KPNA4: variants seen among roughly 807,000 people sequenced by gnomAD.
KPNA4 encodes importin subunit alpha-3.
In KPNA4, 13 loss-of-function variants were observed where a neutral mutation model predicts 71.3. The observed-to-expected ratio is 0.18, with a 90% CI of 0.12 to 0.29. KPNA4 has a LOEUF of 0.29. Ranked by LOEUF, KPNA4 falls within the 10% of genes least tolerant of loss-of-function variation. The pLI, the probability that KPNA4 is intolerant of heterozygous loss-of-function variation, is 1.00. For synonymous variants in KPNA4, 189 were observed against 195.2 expected (o/e 0.97, Z 0.26); for missense variants, 334 against 603.2 (o/e 0.55, Z 4.67).
At chr3:160,559,153 T>C (rs899579052) in intron 1 of KPNA4, among the ~76,000 whole-genome samples, 2 of 152,174 alleles carry the variant, frequency 1.3e-5, no homozygotes, top group Non-Finnish European at 2.9e-5. Context: ...TCAGACTTAA[T>C]GGTTGGAAGA....
intron 1 of KPNA4, among the ~76,000 whole-genome samples, chr3:160,560,954 C>G (rs1235926161): frequency 6.6e-6 from 1 of 151,956 alleles, no homozygotes; most frequent in African/African-American, 2.4e-5. Context: ...AGACTTAATA[C>G]CTTAACAATG....
At chr3:160,533,066 C>T (rs533649764) in intron 5 of KPNA4, among the ~76,000 whole-genome samples, 74 of 152,318 alleles carry the variant, frequency 4.9e-4, no homozygotes, top group African/African-American at 1.7e-3. Flanking sequence ...GTCTGTCACT[C>T]AGGCTGGAGT....
At chr3:160,506,178 A>T (rs28718566) in intron 15 of KPNA4, among the ~76,000 whole-genome samples, 76,776 of 149,986 alleles carry the variant, frequency 0.51, 20,330 homozygotes, top group African/African-American at 0.62. Flanking sequence ...ATTTTATTTT[A>T]TTTTTTTTGA....
At chr3:160,533,319 C>A (rs1420121280) in intron 5 of KPNA4, among the ~76,000 whole-genome samples, 1 of 152,108 alleles carries the variant, frequency 6.6e-6, no homozygotes, top group Non-Finnish European at 1.5e-5. Context: ...AGCCACCGCG[C>A]CCAGCCCCCT....
intron 14 of KPNA4, among the ~76,000 whole-genome samples, chr3:160,508,618 T>G (rs965485615): frequency 6.6e-6 from 1 of 152,076 alleles, no homozygotes; most frequent in Non-Finnish European, 1.5e-5. Context: ...GTATGCTATT[T>G]TTAATTTAAT....
intron 10 of KPNA4, among the ~76,000 whole-genome samples, chr3:160,522,185 T>A (rs1336198068): frequency 1.3e-5 from 2 of 152,130 alleles, no homozygotes; most frequent in East Asian, 3.9e-4. Context: ...ACACAGCTCA[T>A]AAAACAGGAG....
chr3:160,527,882 A>C, intron 8 of KPNA4, 71 bp downstream of exon 8: 1 of 1,132,626 alleles, frequency 8.8e-7, no homozygotes, highest in Non-Finnish European at 1.3e-6. Context: ...CTTTTGGATT[A>C]CTAGTAGCTA....
In KPNA4 at chr3:160,496,949, T is replaced by G. The variant is rs952162833; in HGVS notation, c.*5155A>C. 6.6e-6 allele frequency: 1 copy of G among 152,210 alleles called. No individual in the cohort carries two copies. The highest frequency in any genetic ancestry group is 1.5e-5 in the Non-Finnish European group (1 of 68,038). 9.4% of individuals were successfully genotyped at this position (152,210 alleles called of 1,614,324 possible). ...CTGGATTTAAAAGGAATTTTCAAGA[T>G]TATTGTTAACTTCTGGGTTAAGTGT... is the stretch of plus-strand genomic sequence containing the variant. On this transcript the variant is annotated 3_prime_UTR_variant, in exon 17 of 17. Transcript: ENST00000334256.
intron 1 of KPNA4, among the ~76,000 whole-genome samples, chr3:160,540,629 A>G (rs1056670434): frequency 6.6e-6 from 1 of 152,230 alleles, no homozygotes; most frequent in Non-Finnish European, 1.5e-5. Context: ...AAAGGGATAT[A>G]TAAGACTTCT....
intron 1 of KPNA4, among the ~76,000 whole-genome samples, chr3:160,545,300 A>T (rs1054811763): frequency 1.3e-5 from 2 of 152,252 alleles, no homozygotes; most frequent in South Asian, 2.1e-4. Flanking sequence ...TTATGTTCAC[A>T]TACTAAACAG....
At chr3:160,517,140 C>T (rs927153308) in intron 11 of KPNA4, among the ~76,000 whole-genome samples, 1 of 152,120 alleles carries the variant, frequency 6.6e-6, no homozygotes, top group African/African-American at 2.4e-5. Flanking sequence ...GCCTTCATCC[C>T]TAGGTCCCTG....
chr3:160,556,395 A>C (rs1361581972), intron 1 of KPNA4, among the ~76,000 whole-genome samples: 1 of 152,064 alleles, frequency 6.6e-6, no homozygotes, highest in Non-Finnish European at 1.5e-5. Context: ...TTTTCTTTTT[A>C]TATACTGCCA....
At chr3:160,531,206 G>A (rs555248870) in intron 6 of KPNA4, among the ~76,000 whole-genome samples, 76 of 152,072 alleles carry the variant, frequency 5.0e-4, no homozygotes, top group African/African-American at 1.7e-3. Flanking sequence ...GTTTTCTCAA[G>A]TACCTATCTG....
intron 13 of KPNA4, 117 bp downstream of exon 13, chr3:160,513,960 T>C (rs1721152936): frequency 5.7e-6 from 3 of 523,272 alleles, no homozygotes; most frequent in Non-Finnish European, 9.2e-6. Context: ...CTTTACTATA[T>C]TTATGCCACT....
rs540077447 is a variant in KPNA4 at position 160,499,672 on chromosome 3, C to T, written c.*2432G>A. On this transcript the variant is annotated 3_prime_UTR_variant, in exon 17 of 17. Transcript: ENST00000334256. Reference sequence around the variant, plus strand: ...TTATACCCAGAGATATTAATATCACCCTTACCTATTTTCCATATCACTGTT... The same window carrying T: ...TTATACCCAGAGATATTAATATCACTCTTACCTATTTTCCATATCACTGTT... 5.9e-5 allele frequency: 9 copies of T among 152,010 alleles called. No homozygotes were observed. In the East Asian group the frequency reaches 1.4e-3, roughly 23 times the overall value. The allele number at this position is 152,010 out of a possible 1,614,324, so 9.4% of individuals were successfully genotyped here.
At chr3:160,563,886 A>G (rs2108564015) in intron 1 of KPNA4, among the ~76,000 whole-genome samples, 1 of 152,300 alleles carries the variant, frequency 6.6e-6, no homozygotes. Flanking sequence ...ATCCCTGGAC[A>G]CTTAGTCGTC....
chr3:160,523,478 T>C (rs745704255), intron 10 of KPNA4, among the ~76,000 whole-genome samples: 3 of 151,890 alleles, frequency 2.0e-5, no homozygotes, highest in African/African-American at 7.3e-5. Flanking sequence ...AAGGTGAAAA[T>C]AATGCTTTGC....
In KPNA4 at chr3:160,536,857, G is replaced by T; in HGVS notation, c.70-17C>A. On this transcript the variant is annotated splice_polypyrimidine_tract_variant and intron_variant, in intron 1 of 16. Coordinates refer to ENST00000334256, the MANE Select transcript of KPNA4 (RefSeq NM_002268.5). ...TCTCATAGTCTACAAAAAAATTAAAGGAAAATATTTTTAAAATCACCTCAA... is the reference window on the plus strand; with the variant it reads ...TCTCATAGTCTACAAAAAAATTAAATGAAAATATTTTTAAAATCACCTCAA... The T allele has an allele frequency of 6.8e-7, 1 of 1,476,272 alleles. No homozygotes were observed. The highest frequency in any genetic ancestry group is 9.4e-7 in the Non-Finnish European group (1 of 1,062,114). The allele number at this position is 1,476,272 out of a possible 1,614,324, so 91.4% of individuals were successfully genotyped here. A position where few individuals can be genotyped will look rare whatever the true frequency, so the allele number is the denominator to read the frequency against.
At chr3:160,522,386 A>G (rs1244324619) in intron 10 of KPNA4, among the ~76,000 whole-genome samples, 2 of 152,244 alleles carry the variant, frequency 1.3e-5, no homozygotes, top group Non-Finnish European at 2.9e-5. Flanking sequence ...CCAATAACCC[A>G]AGTATTCATA....
Sources: gnomAD v4.1 joint callset for allele counts (sites outside exome capture counted in the v4.1 genomes callset) on GRCh38, gnomAD v4.1.1 for gene constraint, MANE v1.5 for transcripts, NCBI Gene and HGNC (gene_info 2026-07-23, HGNC 2026-07-21) for gene names.